DOCK5: variants seen among roughly 807,000 people sequenced by gnomAD.
DOCK5 encodes the protein dedicator of cytokinesis protein 5.
DOCK5 carries 142 observed loss-of-function variants against 251.8 expected under a neutral mutation model. That is an observed-to-expected ratio of 0.56 (90% CI 0.49 to 0.65). DOCK5 has a LOEUF of 0.65. Ranked by LOEUF, DOCK5 falls within the 30% of genes least tolerant of loss-of-function variation. The probability of loss-of-function intolerance (pLI) is 0.00; values close to 1 mark genes in which losing one functional copy is unlikely to be tolerated. For missense variants in DOCK5, 2,111 were observed against 2,312.3 expected, an observed-to-expected ratio of 0.91 and a Z score of 1.79; for synonymous variants, 842 against 835.5, an observed-to-expected ratio of 1.01 and a Z score of -0.13.
intron 22 of DOCK5, among the ~76,000 whole-genome samples, chr8:25,338,729 G>C (rs1022643181): frequency 6.6e-6 from 1 of 152,102 alleles, no homozygotes; most frequent in Non-Finnish European, 1.5e-5. Flanking sequence ...TTCGACCAAG[G>C]GAATATTCTC....
In DOCK5 at chr8:25,380,750, A is replaced by G. The variant is rs542298685; in HGVS notation, c.4026+356A>G. Among the ~76,000 whole-genome samples, 3 of 152,268 alleles carry G rather than the reference A, an allele frequency of 2.0e-5. No homozygotes were observed. In the South Asian group the frequency reaches 6.2e-4, roughly 32 times the overall value. On this transcript the variant is annotated intron_variant, in intron 39 of 51. Coordinates refer to ENST00000276440, the MANE Select transcript of DOCK5 (RefSeq NM_024940.8). ...CCATTTTTCTTTCTGTGGGCCCTCC[A>G]TATTCCCAGCCATCAGTAAAGCAAA...
At chr8:25,384,826 G>A (rs1473192865) in intron 40 of DOCK5, among the ~76,000 whole-genome samples, 2 of 152,072 alleles carry the variant, frequency 1.3e-5, no homozygotes, top group East Asian at 3.9e-4. Flanking sequence ...CCAGCTACTT[G>A]GGAAGCTGAG....
intron 1 of DOCK5, among the ~76,000 whole-genome samples, chr8:25,197,362 C>A (rs796904488): frequency 5.3e-5 from 8 of 152,308 alleles, no homozygotes; most frequent in African/African-American, 1.9e-4. Context: ...CAGCCACTTC[C>A]CAAGCAAGAG....
intron 5 of DOCK5, among the ~76,000 whole-genome samples, chr8:25,279,739 C>T (rs1254904482): frequency 6.6e-6 from 1 of 152,046 alleles, no homozygotes; most frequent in Non-Finnish European, 1.5e-5. Context: ...CTCAGCCTCC[C>T]AAGTAGCTGG....
chr8:25,346,103 G>T (rs1184991074), intron 26 of DOCK5, among the ~76,000 whole-genome samples: 1 of 152,064 alleles, frequency 6.6e-6, no homozygotes, highest in Non-Finnish European at 1.5e-5. Flanking sequence ...ACCCATCTCG[G>T]CCTCCCAAAG....
chr8:25,411,456 G>T lies in DOCK5; in HGVS notation c.*158G>T. On this transcript the variant is annotated 3_prime_UTR_variant, in exon 52 of 52. Transcript: ENST00000276440. ...CAAAACCAGTCATGTTCTTCCAAAAGCTTCTCTTTGATAGAATTTTGAGGC... is the reference window on the plus strand; with the variant it reads ...CAAAACCAGTCATGTTCTTCCAAAATCTTCTCTTTGATAGAATTTTGAGGC... The T allele has an allele frequency of 9.1e-7, 1 of 1,094,122 alleles. No individual in the cohort carries two copies. The allele number at this position is 1,094,122 out of a possible 1,614,324, so 67.8% of individuals were successfully genotyped here.
chr8:25,186,227 T>A (rs73556364), intron 1 of DOCK5, among the ~76,000 whole-genome samples: 1 of 152,140 alleles, frequency 6.6e-6, no homozygotes, highest in Non-Finnish European at 1.5e-5. Flanking sequence ...ATTTATTATT[T>A]TTTGTTTTCC....
At chr8:25,226,372 C>T (rs2117509671) in intron 1 of DOCK5, among the ~76,000 whole-genome samples, 1 of 138,842 alleles carries the variant, frequency 7.2e-6, no homozygotes, top group South Asian at 2.3e-4. Context: ...AAGTGGTTTT[C>T]TTGCCTCAGC....
At position 25,357,309 on chromosome 8, in the gene DOCK5, A is replaced by AAT. The variant is rs769237619; in HGVS notation, c.2851-1643_2851-1642dup. Among the ~76,000 whole-genome samples, 13 of 151,514 alleles carry AAT rather than the reference A, an allele frequency of 8.6e-5. No individual in the cohort carries two copies. The East Asian group carries it at 1.2e-3, about 14-fold the overall frequency. ...AAAACAAGCTATATGATAATTTGGC[A>AAT]ATATATATATATCAAAGGCCTTAGT... On this transcript the variant is annotated intron_variant, in intron 27 of 51. Transcript: ENST00000276440.
intron 42 of DOCK5, 44 bp downstream of exon 42, chr8:25,390,331 G>A: frequency 1.4e-6 from 2 of 1,453,208 alleles, no homozygotes; most frequent in Non-Finnish European, 1.9e-6. Flanking sequence ...CTGTGTCTAG[G>A]CACAGTGGCT....
rs560451419 is a variant in DOCK5 at position 25,263,277 on chromosome 8, C to G, written c.128-5568C>G. Reference sequence around the variant, plus strand: ...TGACAGCTCTTTTTCTGAGGGCTCTCTTTATCATCTGTCTTGGGGACAGAA... The same window carrying G: ...TGACAGCTCTTTTTCTGAGGGCTCTGTTTATCATCTGTCTTGGGGACAGAA... On this transcript the variant is annotated intron_variant, in intron 2 of 51. Transcript: ENST00000276440. Among the ~76,000 whole-genome samples, 271 of 151,854 alleles carry G rather than the reference C, an allele frequency of 1.8e-3. 2 individuals are homozygous for G. The highest frequency in any genetic ancestry group is 3.4e-3 in the Non-Finnish European group (228 of 68,020).
Position 25,184,837 on chromosome 8 carries a change from G to A in DOCK5, c.-72G>A. 2 of 1,246,644 alleles carry A rather than the reference G, an allele frequency of 1.6e-6. No homozygotes were observed. Among genetic ancestry groups the A allele is most frequent in the East Asian group, 6.3e-5 (2 of 31,694 alleles). The allele number at this position is 1,246,644 out of a possible 1,614,324, so 77.2% of individuals were successfully genotyped here. A position where few individuals can be genotyped will look rare whatever the true frequency, so the allele number is the denominator to read the frequency against. ...AGCGTCTGGGGCACGCAGGAGCGCG[G>A]GGCGGCGGCGGCCGGAGCCCGAGGA... On this transcript the variant is annotated 5_prime_UTR_variant, in exon 1 of 52. Coordinates refer to ENST00000276440, the MANE Select transcript of DOCK5 (RefSeq NM_024940.8).
At position 25,366,884 on chromosome 8, in the gene DOCK5, C is replaced by T; in HGVS notation, c.3138C>T (p.Tyr1046=). ...ASFELQLWNN[Y]FHLAVAFLTH... is the part of the protein sequence containing the mutation. ...ATTTTGAACAGCTCTGGAACAATTA[C>T]TTCCATTTGGCAGTTGCATTTCTCA... Residue 1046 remains tyrosine, a synonymous_variant, in exon 31 of 52, where the codon TAC becomes TAT. Coordinates refer to ENST00000276440, the MANE Select transcript of DOCK5 (RefSeq NM_024940.8). The T allele has an allele frequency of 1.2e-6, 2 of 1,613,620 alleles. No individual in the cohort carries two copies. Among genetic ancestry groups the T allele is most frequent in the Non-Finnish European group, 8.5e-7 (1 of 1,179,628 alleles).
At chr8:25,337,339 A>G (rs1277407154) in intron 22 of DOCK5, among the ~76,000 whole-genome samples, 2 of 152,176 alleles carry the variant, frequency 1.3e-5, no homozygotes, top group South Asian at 2.1e-4. Flanking sequence ...CCTGTATTTC[A>G]GTTTTGATGC....
chr8:25,257,996 T>C (rs138751638), intron 2 of DOCK5, among the ~76,000 whole-genome samples: 2 of 152,212 alleles, frequency 1.3e-5, no homozygotes, highest in African/African-American at 4.8e-5. Context: ...ATTACTTTGC[T>C]TTAAAAAGGA....
intron 2 of DOCK5, among the ~76,000 whole-genome samples, chr8:25,244,670 G>A (rs1420553181): frequency 6.6e-6 from 1 of 152,214 alleles, no homozygotes; most frequent in Non-Finnish European, 1.5e-5. Context: ...TCCTAGGGTG[G>A]GATGGGATGA....
intron 11 of DOCK5, among the ~76,000 whole-genome samples, chr8:25,305,645 G>A (rs905940971): frequency 6.6e-6 from 1 of 152,048 alleles, no homozygotes; most frequent in Non-Finnish European, 1.5e-5. Flanking sequence ...AGGACATGAA[G>A]GGAATACACA....
intron 35 of DOCK5, among the ~76,000 whole-genome samples, chr8:25,372,956 G>A (rs1251891125): frequency 2.0e-5 from 3 of 151,802 alleles, no homozygotes; most frequent in Non-Finnish European, 2.9e-5. Flanking sequence ...ATTTCAGTAG[G>A]TTTGGGGGTA....
In DOCK5 at chr8:25,296,999, A is replaced by G. The variant is rs1368168932; in HGVS notation, c.606+351A>G. Among the ~76,000 whole-genome samples the G allele has an allele frequency of 4.6e-5, 7 of 152,210 alleles. No homozygotes were observed. The East Asian group carries it at 1.3e-3, about 29-fold the overall frequency. The stretch of plus-strand genomic sequence containing the variant: ...TATTAATGGATGCATCTGGGAAGGA[A>G]AACGGGGTGGGAGGGAGACTTCTTA... On this transcript the variant is annotated intron_variant, in intron 7 of 51. Transcript: ENST00000276440.
Sources: gnomAD v4.1 joint callset for allele counts (sites outside exome capture counted in the v4.1 genomes callset) on GRCh38, gnomAD v4.1.1 for gene constraint, MANE v1.5 for transcripts, NCBI Gene and HGNC (gene_info 2026-07-23, HGNC 2026-07-21) for gene names.